SEC22A: variants seen among roughly 807,000 people sequenced by gnomAD.
SEC22A encodes the protein SEC22 homolog A, vesicle trafficking protein.
In SEC22A, 22 loss-of-function variants were observed where a neutral mutation model predicts 35.3. The ratio of observed to expected loss-of-function variants is 0.62; its 90% CI spans 0.45 to 0.89. The LOEUF (loss-of-function observed/expected upper bound fraction) is 0.89, where lower values mean the gene tolerates loss of function less well. SEC22A is among the 40% of genes least tolerant of loss of function. The pLI, the probability that SEC22A is intolerant of heterozygous loss-of-function variation, is 0.00. For missense variants in SEC22A, 354 were observed against 362.5 expected (o/e 0.98, Z 0.19); for synonymous variants, 119 against 129.5 (o/e 0.92, Z 0.55).
In SEC22A at chr3:123,237,543, T is replaced by C. The variant is rs186512842; in HGVS notation, c.542-8356T>C. Among the ~76,000 whole-genome samples, 23 of 152,344 alleles carry C rather than the reference T, an allele frequency of 1.5e-4. No individual in the cohort carries two copies. The East Asian group carries it at 4.4e-3, about 29-fold the overall frequency. ...GGTGGCACTGATCTCTGTAATTACC[T>C]TGATGATATTTGGATTGGGGGAGCT... On this transcript the variant is annotated intron_variant, in intron 4 of 6. Transcript: ENST00000492595.
In SEC22A at chr3:123,229,433, A is replaced by G. The variant is rs544287094; in HGVS notation, c.541+4136A>G. On this transcript the variant is annotated intron_variant, in intron 4 of 6. Coordinates refer to ENST00000492595, the MANE Select transcript of SEC22A (RefSeq NM_012430.5). Reference sequence around the variant, plus strand: ...TACAAATTGCTGAAAGAAAGAAAATAAAAACTACCAGTAACCAAGAATCTT... The same window carrying G: ...TACAAATTGCTGAAAGAAAGAAAATGAAAACTACCAGTAACCAAGAATCTT... Among the ~76,000 whole-genome samples, 30 of 152,364 alleles carry G rather than the reference A, an allele frequency of 2.0e-4. No homozygotes were observed. In the South Asian group the frequency reaches 6.2e-3, roughly 32 times the overall value.
chr3:123,230,213 G>A (rs1559756073), intron 4 of SEC22A, among the ~76,000 whole-genome samples: 1 of 152,060 alleles, frequency 6.6e-6, no homozygotes, highest in Non-Finnish European at 1.5e-5. Flanking sequence ...ATAAAACAGT[G>A]TATATATAAT....
At chr3:123,211,833 C>T (rs777895758) in intron 2 of SEC22A, among the ~76,000 whole-genome samples, 7 of 151,854 alleles carry the variant, frequency 4.6e-5, no homozygotes, top group Non-Finnish European at 8.8e-5. Flanking sequence ...TTTGAGAGGC[C>T]GAGGCAGGCA....
chr3:123,259,693 C>A (rs7623370), intron 6 of SEC22A, 104 bp downstream of exon 6: 19,514 of 790,110 alleles, frequency 0.025, 1,014 homozygotes, highest in East Asian at 0.13. Flanking sequence ...ACTCTGAGTT[C>A]TTTGCTTCTC....
At chr3:123,267,897 C>T (rs1465777120) in intron 6 of SEC22A, among the ~76,000 whole-genome samples, 1 of 152,024 alleles carries the variant, frequency 6.6e-6, no homozygotes, top group Non-Finnish European at 1.5e-5. Flanking sequence ...TAGTTTTTTT[C>T]TGGCCTCTGT....
chr3:123,240,550 GT>G (rs553972807), intron 4 of SEC22A, among the ~76,000 whole-genome samples: 27 of 152,252 alleles, frequency 1.8e-4, no homozygotes, highest in Admixed American at 1.7e-3. Flanking sequence ...GCTGATGGAC[GT>G]AAACTTGTTT....
chr3:123,253,384 C>G (rs781184375), intron 5 of SEC22A, among the ~76,000 whole-genome samples: 12 of 152,200 alleles, frequency 7.9e-5, no homozygotes, highest in Non-Finnish European at 1.3e-4. Context: ...TTCTTATCTT[C>G]TTTCCCATAG....
intron 1 of SEC22A, chr3:123,208,277 T>G (rs1936882373): frequency 6.6e-6 from 1 of 152,250 alleles, no homozygotes; most frequent in South Asian, 2.1e-4. Context: ...ATCACCATTT[T>G]ATAGGATATT....
At chr3:123,219,714 A>G (rs1290428893) in intron 2 of SEC22A, among the ~76,000 whole-genome samples, 5 of 152,206 alleles carry the variant, frequency 3.3e-5, no homozygotes, top group Non-Finnish European at 7.3e-5. Flanking sequence ...AGGCAGATAG[A>G]CATCCGCCAG....
chr3:123,214,774 T>C (rs1936994922), intron 2 of SEC22A, among the ~76,000 whole-genome samples: 1 of 152,244 alleles, frequency 6.6e-6, no homozygotes, highest in Non-Finnish European at 1.5e-5. Context: ...AACAGTAAGA[T>C]GCTGAAAAGA....
At chr3:123,269,583 A>G (rs1209412141) in intron 6 of SEC22A, among the ~76,000 whole-genome samples, 1 of 151,940 alleles carries the variant, frequency 6.6e-6, no homozygotes, top group Admixed American at 6.6e-5. Flanking sequence ...ACATTCCTAC[A>G]ACATAACTGA....
At chr3:123,222,562 T>C (rs187710611) in intron 2 of SEC22A, among the ~76,000 whole-genome samples, 6 of 152,302 alleles carry the variant, frequency 3.9e-5, no homozygotes, top group Non-Finnish European at 7.4e-5. Context: ...CCTGGCACTT[T>C]TAAAGAATAC....
intron 4 of SEC22A, among the ~76,000 whole-genome samples, chr3:123,232,525 TAAC>T (rs1243326664): frequency 6.6e-6 from 1 of 152,142 alleles, no homozygotes; most frequent in Admixed American, 6.6e-5. Context: ...GAAGAGTTAA[TAAC>T]CAGTTATTTA....
intron 5 of SEC22A, among the ~76,000 whole-genome samples, chr3:123,255,113 T>C (rs1048639314): frequency 6.6e-6 from 1 of 152,238 alleles, no homozygotes; most frequent in African/African-American, 2.4e-5. Flanking sequence ...CATCTGTCAT[T>C]ATGTTCTTCC....
chr3:123,219,159 T>C (rs1937081497), intron 2 of SEC22A, among the ~76,000 whole-genome samples: 1 of 152,046 alleles, frequency 6.6e-6, no homozygotes, highest in Non-Finnish European at 1.5e-5. Context: ...GTTTCTCAGT[T>C]TGGAAGTGGG....
chr3:123,217,505 A>T (rs1325129427), intron 2 of SEC22A, among the ~76,000 whole-genome samples: 1 of 151,170 alleles, frequency 6.6e-6, no homozygotes, highest in Non-Finnish European at 1.5e-5. Flanking sequence ...GAGCCACCGC[A>T]CCCGGCCCAA....
At chr3:123,254,438 C>T (rs945256935) in intron 5 of SEC22A, among the ~76,000 whole-genome samples, 1 of 152,052 alleles carries the variant, frequency 6.6e-6, no homozygotes, top group African/African-American at 2.4e-5. Context: ...GAACTCCTTA[C>T]CTCTGCCCTC....
chr3:123,240,257 A>G (rs908178248), intron 4 of SEC22A, among the ~76,000 whole-genome samples: 1 of 152,224 alleles, frequency 6.6e-6, no homozygotes, highest in Non-Finnish European at 1.5e-5. Context: ...TTATCACAAT[A>G]TAGGACATTT....
At chr3:123,226,777 G>A (rs907797584) in intron 4 of SEC22A, among the ~76,000 whole-genome samples, 1 of 152,202 alleles carries the variant, frequency 6.6e-6, no homozygotes, top group African/African-American at 2.4e-5. Context: ...TATTACTCAA[G>A]AGATCTTTGC....
Sources: allele counts gnomAD v4.1 joint callset (sites outside exome capture counted in the v4.1 genomes callset), GRCh38; gene constraint gnomAD v4.1.1; transcripts MANE v1.5; gene names NCBI Gene and HGNC (gene_info 2026-07-23, HGNC 2026-07-21).